DET1: variants seen among roughly 807,000 people sequenced by gnomAD.
DET1 encodes the protein DET1 partner of COP1 E3 ubiquitin ligase.
DET1 carries 22 observed loss-of-function variants against 43.7 expected under a neutral mutation model. The ratio of observed to expected loss-of-function variants is 0.50; its 90% CI spans 0.36 to 0.72. The LOEUF (loss-of-function observed/expected upper bound fraction) is 0.72. DET1 is among the 30% of genes least tolerant of loss of function. The pLI is 0.00. For synonymous variants in DET1, 315 were observed against 266.2 expected (o/e 1.18, Z -1.79); for missense variants, 713 against 713.3 (o/e 1.00, Z 0.00).
At chr15:88,508,634 A>G (rs139115628), downstream of DET1, among the ~76,000 whole-genome samples, 26 of 152,344 alleles carry the variant, frequency 1.7e-4, no homozygotes, top group Admixed American at 3.3e-4. Flanking sequence ...GAAGGACTAG[A>G]GGTGACCACT....
chr15:88,515,538 T>TAAA (rs1491544233), intron 4 of DET1, among the ~76,000 whole-genome samples: 984 of 47,468 alleles, frequency 0.021, 385 homozygotes, highest in South Asian at 0.037. Flanking sequence ...GACTCCGTCT[T>TAAA]ATAAAAAAAA....
At position 88,540,797 on chromosome 15, in the gene DET1, G is replaced by A. The variant is rs560500394; in HGVS notation, c.-11+5743C>T. On this transcript the variant is annotated intron_variant, in intron 1 of 4. Coordinates refer to ENST00000268148, the MANE Select transcript of DET1 (RefSeq NM_001144074.3). ...TGCTTGAGGGCAGCATGCTCCTTAA[G>A]AGTCATCACCACTCCCTAATCTCAA... is the stretch of plus-strand genomic sequence containing the variant. Among the ~76,000 whole-genome samples the A allele has an allele frequency of 1.9e-4, 27 of 139,050 alleles. No individual in the cohort carries two copies. The South Asian group carries it at 6.9e-3, about 36-fold the overall frequency. 91.2% of individuals were successfully genotyped at this position (139,050 alleles called of 152,430 possible).
At chr15:88,542,185 G>A (rs1240442798) in intron 1 of DET1, among the ~76,000 whole-genome samples, 1 of 152,138 alleles carries the variant, frequency 6.6e-6, no homozygotes, top group Non-Finnish European at 1.5e-5. Flanking sequence ...TGAGGAGAGG[G>A]AGCGCATCTG....
At chr15:88,533,725 G>C (rs762219209) in intron 1 of DET1, among the ~76,000 whole-genome samples, 15 of 151,478 alleles carry the variant, frequency 9.9e-5, no homozygotes, top group African/African-American at 3.6e-4. Context: ...AGTATCAAAC[G>C]TAATCAAATT....
At chr15:88,533,200 T>C (rs766410628) in intron 1 of DET1, among the ~76,000 whole-genome samples, 58 of 152,116 alleles carry the variant, frequency 3.8e-4, no homozygotes, top group Admixed American at 2.0e-3. Context: ...ACATCACTAA[T>C]CATCAGAGAA....
downstream of DET1, among the ~76,000 whole-genome samples, chr15:88,508,353 T>C (rs1425811218): frequency 3.9e-5 from 6 of 152,214 alleles, no homozygotes; most frequent in South Asian, 2.1e-4. Context: ...ACCTAGAGCA[T>C]ATAACCCTGA....
At position 88,544,964 on chromosome 15, in the gene DET1, T is replaced by G. The variant is rs1180194433; in HGVS notation, c.-11+1576A>C. Among the ~76,000 whole-genome samples the G allele has an allele frequency of 2.6e-5, 4 of 152,124 alleles. No homozygotes were observed. In the East Asian group the frequency reaches 7.7e-4, roughly 29 times the overall value. On this transcript the variant is annotated intron_variant, in intron 1 of 4. Coordinates refer to ENST00000268148, the MANE Select transcript of DET1 (RefSeq NM_001144074.3). ...GATTTGGGTGCTCTGGGAGCCAAAC[T>G]GGATGTGTGGAAGTGCCAAAGGTGC... is the stretch of plus-strand genomic sequence containing the variant.
chr15:88,513,819 A>G (rs1450083999), intron 4 of DET1, among the ~76,000 whole-genome samples: 1 of 64,646 alleles, frequency 1.5e-5, no homozygotes, highest in African/African-American at 7.2e-5. Context: ...TTTTTTTTTG[A>G]GACGGAGTCT....
At chr15:88,523,894 C>G (rs1232587598) in intron 3 of DET1, among the ~76,000 whole-genome samples, 1 of 151,942 alleles carries the variant, frequency 6.6e-6, no homozygotes, top group Admixed American at 6.5e-5. Flanking sequence ...CTCTGCCTGG[C>G]CGCCCATCGT....
intron 1 of DET1, among the ~76,000 whole-genome samples, chr15:88,543,727 C>A (rs558659598): frequency 6.6e-6 from 1 of 152,134 alleles, no homozygotes; most frequent in Non-Finnish European, 1.5e-5. Flanking sequence ...TAAGGATAAA[C>A]GTATTAACAT....
In DET1 at chr15:88,512,698, C is replaced by T. The variant is rs1485165005; in HGVS notation, c.*253G>A. ...CAAAGTAAAGCAAAAATGAAATGGA[C>T]TTAATTAATGCTGGGCATTCCCACA... On this transcript the variant is annotated 3_prime_UTR_variant, in exon 5 of 5. Transcript: ENST00000268148. The T allele has an allele frequency of 8.2e-7, 1 of 1,218,954 alleles. No individual in the cohort carries two copies. The highest frequency in any genetic ancestry group is 1.0e-6 in the Non-Finnish European group (1 of 978,834). 75.5% of individuals were successfully genotyped at this position (1,218,954 alleles called of 1,614,324 possible).
At chr15:88,532,284 C>T (rs1304430402) in intron 1 of DET1, among the ~76,000 whole-genome samples, 1 of 147,258 alleles carries the variant, frequency 6.8e-6, no homozygotes, top group South Asian at 2.3e-4. Context: ...GCCTGGGCAA[C>T]AGAGTGAGAC....
intron 1 of DET1, chr15:88,536,515 C>T: frequency 1.9e-6 from 1 of 521,434 alleles, no homozygotes; most frequent in South Asian, 2.6e-5. Flanking sequence ...TGCAGTGGCT[C>T]ACGCCTGTAA....
In DET1 at chr15:88,504,993, G is replaced by A. The variant is rs2056125286; in HGVS notation, c.*2066-1006C>T. ...CGTGTGCCTTCCCATAGTTGATTAA[G>A]ACAAATGCCAGTACCTTTAAGATAT... is the stretch of plus-strand genomic sequence containing the variant. On this transcript the variant is annotated intron_variant and NMD_transcript_variant, in intron 7 of 8. Coordinates refer to the DET1 transcript ENST00000557842. This position sits in a 1 kb window ranked among gnomAD's most constrained non-coding sequence, Gnocchi z 4.7. 6.6e-6 allele frequency: 1 copy of A among 152,170 alleles called. No individual in the cohort carries two copies. Among genetic ancestry groups the A allele is most frequent in the Non-Finnish European group, 1.5e-5 (1 of 68,038 alleles). 9.4% of individuals were successfully genotyped at this position (152,170 alleles called of 1,614,324 possible). A position where few individuals can be genotyped will look rare whatever the true frequency, so the allele number is the denominator to read the frequency against.
intron 3 of DET1, among the ~76,000 whole-genome samples, chr15:88,523,580 C>G (rs961747984): frequency 6.6e-6 from 1 of 152,204 alleles, no homozygotes; most frequent in African/African-American, 2.4e-5. Context: ...CCTGGGATTG[C>G]AGGCGCGCAC....
At chr15:88,523,540 C>T (rs1391785916) in intron 3 of DET1, among the ~76,000 whole-genome samples, 1 of 152,162 alleles carries the variant, frequency 6.6e-6, no homozygotes, top group Non-Finnish European at 1.5e-5. Flanking sequence ...AACCTCCCTG[C>T]CTGATTCTCC....
At position 88,506,561 on chromosome 15, in the gene DET1, G is replaced by T. The variant is rs565604591; in HGVS notation, c.*2066-2574C>A. The stretch of plus-strand genomic sequence containing the variant: ...CTCAATTGCTTTCAAAGCATGCATT[G>T]CAGAGAACCGTTTATGCTGATTACC... On this transcript the variant is annotated intron_variant and NMD_transcript_variant, in intron 7 of 8. Coordinates refer to the DET1 transcript ENST00000557842. Among the ~76,000 whole-genome samples the T allele has an allele frequency of 3.8e-5, 3 of 79,002 alleles. No individual in the cohort carries two copies. In the South Asian group the frequency reaches 2.1e-3, roughly 55 times the overall value. The allele number at this position is 79,002 out of a possible 152,430, so 51.8% of individuals were successfully genotyped here. A position where few individuals can be genotyped will look rare whatever the true frequency, so the allele number is the denominator to read the frequency against.
chr15:88,515,377 A>G (rs917080874), intron 4 of DET1, among the ~76,000 whole-genome samples: 1 of 151,560 alleles, frequency 6.6e-6, no homozygotes, highest in Non-Finnish European at 1.5e-5. Flanking sequence ...CCGTCTCTAC[A>G]AAAATACAAA....
intron 1 of DET1, among the ~76,000 whole-genome samples, chr15:88,533,938 G>A (rs2056883367): frequency 7.6e-6 from 1 of 132,022 alleles, no homozygotes; most frequent in Non-Finnish European, 1.7e-5. Context: ...AAACAAAGAA[G>A]AATGGTGGTC....
Sources: gnomAD v4.1 joint callset for allele counts (sites outside exome capture counted in the v4.1 genomes callset) on GRCh38, gnomAD v4.1.1 for gene constraint, Gnocchi (gnomAD v3.1) non-coding constraint, MANE v1.5 for transcripts, NCBI Gene and HGNC (gene_info 2026-07-23, HGNC 2026-07-21) for gene names.